BANP: variants seen among roughly 807,000 people sequenced by gnomAD.
BANP encodes the protein BTG3 associated nuclear protein.
Under a neutral mutation model 68.1 loss-of-function variants are expected in BANP, and 11 were observed. The observed-to-expected ratio is 0.16, with a 90% CI of 0.10 to 0.27. The LOEUF (loss-of-function observed/expected upper bound fraction) is 0.27. Ranked by LOEUF, BANP falls within the 10% of genes least tolerant of loss-of-function variation. The pLI, the probability that BANP is intolerant of heterozygous loss-of-function variation, is 1.00. For synonymous variants in BANP, 329 were observed against 303.2 expected (o/e 1.09, Z -0.88); for missense variants, 504 against 722.7 (o/e 0.70, Z 3.47).
intron 4 of BANP, among the ~76,000 whole-genome samples, chr16:87,997,676 T>A (rs2067656446): frequency 6.6e-6 from 1 of 152,108 alleles, no homozygotes; most frequent in Admixed American, 6.5e-5. Context: ...AGTGAGACCA[T>A]GTGTTCGTGG....
chr16:88,065,462 G>C, intron 12 of BANP, 130 bp downstream of exon 12: 3 of 594,206 alleles, frequency 5.0e-6, no homozygotes, highest in Non-Finnish European at 9.0e-6. Flanking sequence ...AGGGTGATCA[G>C]TTGAGCCACA....
chr16:88,008,338 T>A (rs1201522666), intron 6 of BANP, among the ~76,000 whole-genome samples: 1 of 152,002 alleles, frequency 6.6e-6, no homozygotes, highest in African/African-American at 2.4e-5. Flanking sequence ...CAATGGAGTT[T>A]TTCACACATG....
chr16:87,949,766 GGTT>G (rs1273624446), upstream of BANP: 5 of 152,168 alleles, frequency 3.3e-5, no homozygotes, highest in Non-Finnish European at 4.4e-5. Flanking sequence ...AACTCGGTAA[GGTT>G]GCCCAAGGTC....
At chr16:88,017,908 G>A (rs1479306219) in intron 6 of BANP, among the ~76,000 whole-genome samples, 1 of 152,212 alleles carries the variant, frequency 6.6e-6, no homozygotes, top group Non-Finnish European at 1.5e-5. Flanking sequence ...GACTTACACT[G>A]TGCAGAGGCA....
chr16:88,013,411 G>A (rs2073726727), intron 6 of BANP, among the ~76,000 whole-genome samples: 2 of 152,126 alleles, frequency 1.3e-5, no homozygotes, highest in Admixed American at 1.3e-4. Context: ...ACCGCTGCCC[G>A]CACCCATCAG....
At position 88,003,764 on chromosome 16, in the gene BANP, G is replaced by A; in HGVS notation, c.363-531G>A. ...TGCAGGACCTGGAGGCAGCATGTGT[G>A]TCCTTCCATCCCAAGTCCAACGTGA... On this transcript the variant is annotated intron_variant, in intron 4 of 13. Coordinates refer to ENST00000682872, the MANE Select transcript of BANP (RefSeq NM_001386991.1). This position sits in a 1 kb window ranked among gnomAD's most constrained non-coding sequence, Gnocchi z 6.1. 3.1e-6 allele frequency: 1 copy of A among 322,232 alleles called. No individual in the cohort carries two copies. Among genetic ancestry groups the A allele is most frequent in the Admixed American group, 4.4e-5 (1 of 22,786 alleles). The allele number at this position is 322,232 out of a possible 1,614,324, so 20.0% of individuals were successfully genotyped here. A position where few individuals can be genotyped will look rare whatever the true frequency, so the allele number is the denominator to read the frequency against.
intron 10 of BANP, among the ~76,000 whole-genome samples, chr16:88,035,862 T>A (rs1293284528): frequency 6.6e-6 from 1 of 152,234 alleles, no homozygotes; most frequent in Non-Finnish European, 1.5e-5. Flanking sequence ...CACAAGGTGA[T>A]GCTGCCAGTC....
At chr16:87,959,700 G>A (rs964447953) in intron 1 of BANP, among the ~76,000 whole-genome samples, 5 of 152,278 alleles carry the variant, frequency 3.3e-5, no homozygotes, top group African/African-American at 1.2e-4. Context: ...TGTGGCAGAG[G>A]GGCGATGCCA....
chr16:87,953,121 C>G (rs2057318073), intron 1 of BANP, among the ~76,000 whole-genome samples: 1 of 151,916 alleles, frequency 6.6e-6, no homozygotes, highest in African/African-American at 2.4e-5. Context: ...ACTAGGCCCG[C>G]AGACACTAAG....
chr16:88,056,407 C>T (rs1322129928), intron 11 of BANP, among the ~76,000 whole-genome samples: 3 of 151,652 alleles, frequency 2.0e-5, no homozygotes, highest in Non-Finnish European at 4.4e-5. Flanking sequence ...TTAAGTCAGG[C>T]AAGGGCCCAG....
At chr16:87,983,537 A>G (rs1331491894) in intron 3 of BANP, among the ~76,000 whole-genome samples, 2 of 152,104 alleles carry the variant, frequency 1.3e-5, no homozygotes, top group South Asian at 4.1e-4. Flanking sequence ...GGCTTTGCCA[A>G]CCACTAGGTG....
At chr16:88,075,407 G>T (rs897620694) in intron 13 of BANP, among the ~76,000 whole-genome samples, 2 of 152,220 alleles carry the variant, frequency 1.3e-5, no homozygotes, top group Non-Finnish European at 2.9e-5. Flanking sequence ...GGAGGCTGAG[G>T]TGGGAGGATC....
intron 11 of BANP, among the ~76,000 whole-genome samples, chr16:88,043,136 C>T (rs1250649438): frequency 2.0e-5 from 3 of 152,152 alleles, no homozygotes; most frequent in Non-Finnish European, 4.4e-5. Context: ...CCCTCCTCGC[C>T]TCTTGCCCTC....
intron 13 of BANP, among the ~76,000 whole-genome samples, chr16:88,075,758 T>TC (rs1456675647): frequency 6.7e-6 from 1 of 149,660 alleles, no homozygotes; most frequent in Non-Finnish European, 1.5e-5. Context: ...TTTTTTTTTT[T>TC]TTTTTTGAGA....
intron 4 of BANP, among the ~76,000 whole-genome samples, chr16:87,999,860 A>G (rs375076626): frequency 1.9e-5 from 1 of 52,940 alleles, no homozygotes; most frequent in East Asian, 7.5e-4. Flanking sequence ...ACACGTCTCC[A>G]TGCACGCACG....
chr16:88,022,233 G>C (rs148483516), intron 7 of BANP, among the ~76,000 whole-genome samples: 56 of 152,260 alleles, frequency 3.7e-4, no homozygotes, highest in African/African-American at 1.3e-3. Context: ...TTCTATCCAC[G>C]GCTCGCTCAC....
intron 4 of BANP, among the ~76,000 whole-genome samples, chr16:87,992,336 T>A (rs1645450067): frequency 6.6e-6 from 1 of 152,206 alleles, no homozygotes; most frequent in African/African-American, 2.4e-5. Flanking sequence ...CCATGTCTTT[T>A]TGTTATCAGG....
chr16:88,033,194 C>T lies in BANP; in HGVS notation c.1149C>T (p.Asn383=), dbSNP rs748741586. 50 of 1,610,574 alleles carry T rather than the reference C, an allele frequency of 3.1e-5. No homozygotes were observed. The highest frequency in any genetic ancestry group is 1.6e-4 in the Middle Eastern group (1 of 6,064). ...QPQALHYALA[N]AQQVQIHQIG... ...AGGCCCTGCACTACGCGCTGGCCAA[C>T]GCACAGCAGGTGCAGATCCACCAGA... The change falls in exon 9 of 14, where the codon AAC becomes AAT. Residue 383 remains asparagine, a synonymous_variant. Coordinates refer to ENST00000682872, the MANE Select transcript of BANP (RefSeq NM_001386991.1).
intron 1 of BANP, among the ~76,000 whole-genome samples, chr16:87,961,490 C>G (rs1168070983): frequency 6.8e-6 from 1 of 146,868 alleles, no homozygotes; most frequent in African/African-American, 2.5e-5. Context: ...TCATATGCAT[C>G]GACCAAAACA....
Sources: gnomAD v4.1 joint callset for allele counts (sites outside exome capture counted in the v4.1 genomes callset) on GRCh38, gnomAD v4.1.1 for gene constraint, Gnocchi (gnomAD v3.1) non-coding constraint, MANE v1.5 for transcripts, NCBI Gene and HGNC (gene_info 2026-07-23, HGNC 2026-07-21) for gene names.